Variants in DCLK1 observed in about 807,000 individuals in gnomAD.
DCLK1 encodes the protein doublecortin like kinase 1, also known as serine/threonine-protein kinase DCLK1.
Under a neutral mutation model 86.2 loss-of-function variants are expected in DCLK1, and 16 were observed. That is an observed-to-expected ratio of 0.19 (90% CI 0.13 to 0.28). The LOEUF (loss-of-function observed/expected upper bound fraction) is 0.28, where lower values mean the gene tolerates loss of function less well. DCLK1 is among the 10% of genes least tolerant of loss of function. The pLI, the probability that DCLK1 is intolerant of heterozygous loss-of-function variation, is 1.00. For missense variants in DCLK1, 590 were observed against 940.2 expected, an observed-to-expected ratio of 0.63 and a Z score of 4.87; for synonymous variants, 369 against 370.5, an observed-to-expected ratio of 1.00 and a Z score of 0.05.
At chr13:35,957,311 A>C (rs1878045010) in intron 3 of DCLK1, among the ~76,000 whole-genome samples, 1 of 152,194 alleles carries the variant, frequency 6.6e-6, no homozygotes, top group South Asian at 2.1e-4. Flanking sequence ...GTCAGGATTT[A>C]AAAATGTGTT....
intron 3 of DCLK1, among the ~76,000 whole-genome samples, chr13:36,043,734 G>A (rs553845484): frequency 2.7e-4 from 41 of 152,168 alleles, no homozygotes; most frequent in Admixed American, 9.2e-4. Flanking sequence ...GAAGCAACAA[G>A]ACCTTTGAAA....
At position 35,810,867 on chromosome 13, in the gene DCLK1, T is replaced by A; in HGVS notation, c.1656A>T (p.Thr552=). Residue 552 remains threonine, a synonymous_variant, in exon 12 of 17, where the codon ACA becomes ACT. Coordinates refer to ENST00000360631, the MANE Select transcript of DCLK1 (RefSeq NM_001330071.2). ...GPLYTVCGTP[T]YVAPEIIAET... is the part of the protein sequence containing the mutation. ...CTGCAATGATTTCTGGAGCCACGTA[T>A]GTTGGGGTGCCACAGACTGTGTACA... The A allele has an allele frequency of 2.5e-6, 4 of 1,614,050 alleles. No individual in the cohort carries two copies. The highest frequency in any genetic ancestry group is 1.3e-5 in the African/African-American group (1 of 75,038).
In DCLK1 at chr13:35,867,878, G is replaced by A. The variant is rs9565612; in HGVS notation, c.940+3346C>T. Among the ~76,000 whole-genome samples the A allele has an allele frequency of 1.5e-3, 93 of 63,042 alleles. 1 individual carries two copies. Among genetic ancestry groups the A allele is most frequent in the South Asian group, 2.4e-3 (5 of 2,078 alleles). The allele number at this position is 63,042 out of a possible 152,430, so 41.4% of individuals were successfully genotyped here. A position where few individuals can be genotyped will look rare whatever the true frequency, so the allele number is the denominator to read the frequency against. On this transcript the variant is annotated intron_variant, in intron 5 of 16. Transcript: ENST00000360631. ...AAGAAAGAAAGAAAGAAAGAGAGAG[G>A]GAGAGAGAGAGAGAAAGAGAGAAAG...
intron 4 of DCLK1, among the ~76,000 whole-genome samples, chr13:35,934,627 A>G (rs1876656110): frequency 1.3e-5 from 2 of 152,156 alleles, no homozygotes; most frequent in Non-Finnish European, 2.9e-5. Flanking sequence ...ATTATCTCTC[A>G]CTGGGTCCCT....
At chr13:35,844,721 A>T (rs1329591614) in intron 6 of DCLK1, among the ~76,000 whole-genome samples, 1 of 152,248 alleles carries the variant, frequency 6.6e-6, no homozygotes, top group African/African-American at 2.4e-5. Context: ...CTCTGGTTAT[A>T]TTAAGAAACT....
At chr13:35,841,547 G>C (rs1869793316) in intron 6 of DCLK1, among the ~76,000 whole-genome samples, 4 of 151,954 alleles carry the variant, frequency 2.6e-5, no homozygotes, top group Non-Finnish European at 5.9e-5. Flanking sequence ...AAAAAGTAGG[G>C]TTAAGACAAG....
rs1157816063 is a variant in DCLK1, at chr13:36,036,861, C to T, written c.723+75008G>A. On this transcript the variant is annotated intron_variant, in intron 3 of 16. Coordinates refer to ENST00000360631, the MANE Select transcript of DCLK1 (RefSeq NM_001330071.2). ...ATGAAAAATAGAACTATGATATGATCCAGCAATTCCTCTACTGGGTGTATA... is the reference window on the plus strand; with the variant it reads ...ATGAAAAATAGAACTATGATATGATTCAGCAATTCCTCTACTGGGTGTATA... Among the ~76,000 whole-genome samples the T allele has an allele frequency of 2.6e-5, 4 of 152,028 alleles. No individual in the cohort carries two copies. In the East Asian group the frequency reaches 5.8e-4, roughly 22 times the overall value.
At chr13:36,045,776 C>T (rs1368394295) in intron 3 of DCLK1, among the ~76,000 whole-genome samples, 1 of 151,848 alleles carries the variant, frequency 6.6e-6, no homozygotes, top group East Asian at 2.0e-4. Context: ...TTGCTTGAAC[C>T]TGGGAGGCAG....
At chr13:35,841,613 C>T (rs560284338) in intron 6 of DCLK1, among the ~76,000 whole-genome samples, 1 of 151,890 alleles carries the variant, frequency 6.6e-6, no homozygotes, top group Non-Finnish European at 1.5e-5. Flanking sequence ...TTTTGTGTTT[C>T]TGAAAATGTA....
At chr13:35,838,856 T>C (rs541434578) in intron 7 of DCLK1, among the ~76,000 whole-genome samples, 1 of 152,294 alleles carries the variant, frequency 6.6e-6, no homozygotes, top group South Asian at 2.1e-4. Context: ...TTAGGATACA[T>C]ATGCCCTCAG....
chr13:36,115,000 T>C (rs903881938), intron 2 of DCLK1, among the ~76,000 whole-genome samples: 1 of 152,230 alleles, frequency 6.6e-6, no homozygotes, highest in Non-Finnish European at 1.5e-5. Flanking sequence ...TTAAGTGCCA[T>C]TTAAAAATAA....
At chr13:36,081,043 G>A (rs533487367) in intron 3 of DCLK1, among the ~76,000 whole-genome samples, 4 of 152,042 alleles carry the variant, frequency 2.6e-5, no homozygotes, top group South Asian at 2.1e-4. Flanking sequence ...CAGAAACTCC[G>A]CTTTCAATAA....
intron 16 of DCLK1, chr13:35,788,118 C>T (rs185988572): frequency 8.3e-7 from 1 of 1,203,378 alleles, no homozygotes; most frequent in African/African-American, 1.5e-5. Flanking sequence ...GATAACAAAT[C>T]AAAAGCATGT....
chr13:36,040,495 G>T (rs1360040661), intron 3 of DCLK1, among the ~76,000 whole-genome samples: 2 of 151,208 alleles, frequency 1.3e-5, no homozygotes, highest in Non-Finnish European at 3.0e-5. Context: ...AACACTAAGT[G>T]CATACTGTCA....
rs768865436 is a variant in DCLK1, at chr13:36,074,468, CAAAAAAAAAAAAAAAAA to C, written c.723+37384_723+37400del. 1.8e-3 allele frequency among the ~76,000 whole-genome samples: 141 copies of C among 79,320 alleles called. 1 individual carries two copies. The highest frequency in any genetic ancestry group is 2.5e-3 in the Non-Finnish European group (95 of 38,010). 52.0% of individuals were successfully genotyped at this position (79,320 alleles called of 152,430 possible). ...CCTGGGCGACAGCGAGACTCCGTCT[CAAAAAAAAAAAAAAAAA>C]AAAAAAAAAAAAAAAAAAAAAAAAA... On this transcript the variant is annotated intron_variant, in intron 3 of 16. Coordinates refer to ENST00000360631, the MANE Select transcript of DCLK1 (RefSeq NM_001330071.2).
Position 35,774,679 on chromosome 13 carries a change from CT to C in DCLK1, c.2078del (p.Glu693GlyfsTer13). ...TGCGTCTTCGTCGGAAAACCTGCCT[CT>C]CCTTATCAAGAGCGGTGGTCTAGCA... ...SVIATTALDK[E>X]RQVFRRRRNQ... On this transcript the variant is annotated frameshift_variant, in exon 17 of 17. Coordinates refer to ENST00000360631, the MANE Select transcript of DCLK1 (RefSeq NM_001330071.2). LOFTEE classifies it high-confidence loss of function. 1 of 1,612,108 alleles carries C rather than the reference CT, an allele frequency of 6.2e-7. No homozygotes were observed. Among genetic ancestry groups the C allele is most frequent in the Non-Finnish European group, 8.5e-7 (1 of 1,179,198 alleles).
intron 6 of DCLK1, among the ~76,000 whole-genome samples, chr13:35,852,295 T>C (rs1241482197): frequency 6.6e-6 from 1 of 152,136 alleles, no homozygotes; most frequent in Non-Finnish European, 1.5e-5. Context: ...GAGGGATTAT[T>C]TGATGCAGTT....
intron 3 of DCLK1, among the ~76,000 whole-genome samples, chr13:36,012,484 T>C (rs1233528453): frequency 6.7e-6 from 1 of 148,766 alleles, no homozygotes; most frequent in Non-Finnish European, 1.5e-5. Context: ...CCTTCACTTA[T>C]GAAGCTTAGT....
At chr13:36,046,928 C>T (rs1882937262) in intron 3 of DCLK1, among the ~76,000 whole-genome samples, 1 of 152,204 alleles carries the variant, frequency 6.6e-6, no homozygotes, top group Non-Finnish European at 1.5e-5. Context: ...TGACCTACAT[C>T]ACACTTCACT....
Sources: gnomAD v4.1 joint callset for allele counts (sites outside exome capture counted in the v4.1 genomes callset) on GRCh38, gnomAD v4.1.1 for gene constraint, MANE v1.5 for transcripts, NCBI Gene and HGNC (gene_info 2026-07-23, HGNC 2026-07-21) for gene names.